TNIP3: variants seen among roughly 807,000 people sequenced by gnomAD.
TNIP3 encodes TNFAIP3-interacting protein 3.
In TNIP3, 34 loss-of-function variants were observed where a neutral mutation model predicts 54.1. The ratio of observed to expected loss-of-function variants is 0.63; its 90% CI spans 0.48 to 0.84. The LOEUF is 0.84. Among genes scored for constraint, TNIP3 ranks in the 40% least tolerant of loss-of-function variants. The pLI is 0.00. For missense variants in TNIP3, 366 were observed against 387.6 expected, an observed-to-expected ratio of 0.94 and a Z score of 0.47; for synonymous variants, 134 against 136.8, an observed-to-expected ratio of 0.98 and a Z score of 0.14.
At chr4:121,147,259 A>C in intron 6 of TNIP3, 85 bp from the exon 7 acceptor site, 1 of 1,486,782 alleles carries the variant, frequency 6.7e-7, no homozygotes. Flanking sequence ...ACTGCTGCCT[A>C]CTCCATTATT....
In TNIP3 at chr4:121,142,774, T is replaced by C. The variant is rs777868187; in HGVS notation, c.738A>G (p.Ile246Met). 6 of 1,612,074 alleles carry C rather than the reference T, an allele frequency of 3.7e-6. No homozygotes were observed. The highest frequency in any genetic ancestry group is 4.2e-6 in the Non-Finnish European group (5 of 1,178,508). The part of the protein sequence containing the change: ...QSQLNRLNSQ[I>M]KACQMEKEKL... ...TTTCTTTCTCCATCTGACAAGCTTT[T>C]ATCTAAAGACAAAACAAAGGCATTT... The change falls in exon 8 of 11, where the codon ATA (isoleucine) becomes ATG (methionine). Residue 246 changes from isoleucine (I) to methionine (M), a missense_variant and splice_region_variant. By Grantham distance (10) the Ile-to-Met change is conservative. Coordinates refer to ENST00000057513, the MANE Select transcript of TNIP3 (RefSeq NM_024873.6).
At chr4:121,155,357 A>G (rs1730021188) in intron 4 of TNIP3, among the ~76,000 whole-genome samples, 1 of 151,692 alleles carries the variant, frequency 6.6e-6, no homozygotes, top group Non-Finnish European at 1.5e-5. Context: ...AAAAGAAAAA[A>G]CTCTCATTGT....
rs765883190 is a variant in TNIP3 at position 121,157,102 on chromosome 4, G to T, written c.355C>A (p.Arg119=). ...ACCCGGGCCCCGCCCACCTCCTCCC[G>T]CTGCAGCCGGTCCCGGGTCAGGTCG... The part of the protein sequence containing the change: ...QRDLTRDRLQ[R]EEKEKERLNE... Residue 119 remains arginine (R), a synonymous_variant, in exon 4 of 11, where the codon CGG becomes AGG. Transcript: ENST00000057513. The T allele has an allele frequency of 8.7e-6, 14 of 1,612,234 alleles. No homozygotes were observed.
chr4:121,223,246 C>T (rs1393876416), intron 1 of TNIP3, among the ~76,000 whole-genome samples: 1 of 152,188 alleles, frequency 6.6e-6, no homozygotes, highest in Non-Finnish European at 1.5e-5. Flanking sequence ...TGCTCACCCG[C>T]TTGAAAGGGA....
At chr4:121,132,914 A>T (rs1728561540) in intron 10 of TNIP3, among the ~76,000 whole-genome samples, 1 of 152,126 alleles carries the variant, frequency 6.6e-6, no homozygotes, top group African/African-American at 2.4e-5. Flanking sequence ...CCTGAGGAGG[A>T]ATGTTCTATA....
At chr4:121,201,515 T>C (rs1347091366) in intron 2 of TNIP3, among the ~76,000 whole-genome samples, 1 of 152,232 alleles carries the variant, frequency 6.6e-6, no homozygotes, top group Non-Finnish European at 1.5e-5. Flanking sequence ...GTATCATGAT[T>C]TTTGCCTTAG....
At chr4:121,167,161 G>A (rs1358670760), upstream of TNIP3, among the ~76,000 whole-genome samples, 1 of 152,044 alleles carries the variant, frequency 6.6e-6, no homozygotes, top group Non-Finnish European at 1.5e-5. Flanking sequence ...CACTCACCCT[G>A]TACTTGACAT....
intron 2 of TNIP3, among the ~76,000 whole-genome samples, chr4:121,203,443 T>C (rs961915844): frequency 2.0e-5 from 3 of 152,110 alleles, no homozygotes; most frequent in Admixed American, 6.6e-5. Flanking sequence ...ATGAGAATGA[T>C]ACAATGGACT....
At chr4:121,138,194 G>T (rs1482852593) in intron 10 of TNIP3, among the ~76,000 whole-genome samples, 1 of 152,150 alleles carries the variant, frequency 6.6e-6, no homozygotes, top group Non-Finnish European at 1.5e-5. Flanking sequence ...TAGTCATAAG[G>T]GAACACAGTT....
chr4:121,154,037 A>G (rs1038003907), intron 5 of TNIP3, among the ~76,000 whole-genome samples: 5 of 152,080 alleles, frequency 3.3e-5, no homozygotes, highest in Non-Finnish European at 2.9e-5. Flanking sequence ...GCATGCACAC[A>G]CGCACACTTT....
chr4:121,170,447 G>A (rs996052639), intron 3 of TNIP3, among the ~76,000 whole-genome samples: 4 of 152,158 alleles, frequency 2.6e-5, no homozygotes, highest in Non-Finnish European at 5.9e-5. Context: ...GATCAGGTAG[G>A]ACTGTGAACA....
chr4:121,142,860 A>G, intron 7 of TNIP3, 84 bp from the exon 8 acceptor site: 1 of 1,138,030 alleles, frequency 8.8e-7, no homozygotes, highest in Non-Finnish European at 1.3e-6. Context: ...CTCAAGTGTC[A>G]GGCATTGACA....
intron 6 of TNIP3, among the ~76,000 whole-genome samples, chr4:121,149,445 C>A (rs147055226): frequency 1.1e-4 from 17 of 152,328 alleles, no homozygotes; most frequent in African/African-American, 3.1e-4. Flanking sequence ...CTGAAAAAGT[C>A]CAGAGTTGGG....
At chr4:121,172,824 G>T (rs773356225) in intron 3 of TNIP3, among the ~76,000 whole-genome samples, 4 of 152,094 alleles carry the variant, frequency 2.6e-5, no homozygotes, top group African/African-American at 9.7e-5. Context: ...AATTTTCTGC[G>T]GTCAATTAGA....
upstream of TNIP3, chr4:121,216,688 A>G: frequency 5.2e-6 from 7 of 1,347,346 alleles, no homozygotes; most frequent in Non-Finnish European, 6.8e-6. Flanking sequence ...CCTTCTGCCT[A>G]GTTTCAATGA....
intron 3 of TNIP3, chr4:121,182,559 G>T: frequency 8.3e-7 from 1 of 1,204,818 alleles, no homozygotes; most frequent in Non-Finnish European, 1.1e-6. Flanking sequence ...CCTCTCAGCT[G>T]ACAAGGAAGT....
At chr4:121,222,223 T>A (rs992737140) in intron 1 of TNIP3, among the ~76,000 whole-genome samples, 1 of 152,228 alleles carries the variant, frequency 6.6e-6, no homozygotes, top group Non-Finnish European at 1.5e-5. Context: ...TAGTTTTCCA[T>A]AGAATGTTCC....
intron 2 of TNIP3, among the ~76,000 whole-genome samples, chr4:121,192,554 G>A (rs1018930345): frequency 9.9e-5 from 15 of 152,130 alleles, no homozygotes; most frequent in Non-Finnish European, 2.2e-4. Context: ...AGCTTCTATC[G>A]AGCTTTAAAA....
chr4:121,226,267 CAAAG>C (rs916542876), intron 1 of TNIP3, among the ~76,000 whole-genome samples: 9 of 151,184 alleles, frequency 6.0e-5, no homozygotes, highest in East Asian at 1.9e-4. Context: ...GACAGAGGCA[CAAAG>C]AAAGAGAGAC....
Sources: gnomAD v4.1 joint callset for allele counts (sites outside exome capture counted in the v4.1 genomes callset) on GRCh38, gnomAD v4.1.1 for gene constraint, MANE v1.5 for transcripts, NCBI Gene and HGNC (gene_info 2026-07-23, HGNC 2026-07-21) for gene names.